MARK1: variants seen among roughly 807,000 people sequenced by gnomAD.
MARK1 encodes microtubule affinity regulating kinase 1.
In MARK1, 40 loss-of-function variants were observed where a neutral mutation model predicts 96.3. The observed-to-expected ratio is 0.42, with a 90% confidence interval of 0.32 to 0.54. MARK1 has a LOEUF of 0.54. Among genes scored for constraint, MARK1 ranks in the 20% least tolerant of loss-of-function variants. The pLI is 0.16. For synonymous variants in MARK1, 317 were observed against 341.2 expected (o/e 0.93, Z 0.78); for missense variants, 719 against 984.6 (o/e 0.73, Z 3.61).
chr1:220,620,362 G>A (rs2102976229), intron 9 of MARK1, among the ~76,000 whole-genome samples: 1 of 152,186 alleles, frequency 6.6e-6, no homozygotes, highest in South Asian at 2.1e-4. Context: ...TCTCATATCA[G>A]TTCTAAAATA....
At chr1:220,573,121 T>C (rs1195540313) in intron 1 of MARK1, among the ~76,000 whole-genome samples, 1 of 152,098 alleles carries the variant, frequency 6.6e-6, no homozygotes, top group African/African-American at 2.4e-5. Flanking sequence ...CTACACTGGG[T>C]TTTTTTATTT....
chr1:220,652,446 T>C (rs1319474069), intron 15 of MARK1, among the ~76,000 whole-genome samples: 1 of 152,226 alleles, frequency 6.6e-6, no homozygotes, highest in Non-Finnish European at 1.5e-5. Context: ...TTGATTTTTT[T>C]ATTATTTAAA....
At chr1:220,583,814 ATTTTTT>A (rs34848222) in intron 3 of MARK1, among the ~76,000 whole-genome samples, 151 of 105,218 alleles carry the variant, frequency 1.4e-3, no homozygotes, top group African/African-American at 4.7e-3. Context: ...TGCCTGGCTA[ATTTTTT>A]TTTTTTTTTT....
At chr1:220,612,888 A>G (rs1666530067) in intron 6 of MARK1, among the ~76,000 whole-genome samples, 1 of 152,172 alleles carries the variant, frequency 6.6e-6, no homozygotes, top group Admixed American at 6.5e-5. Context: ...TGCCCATACA[A>G]TGCTTTTACA....
intron 1 of MARK1, among the ~76,000 whole-genome samples, chr1:220,553,798 A>G (rs1249164231): frequency 6.6e-6 from 1 of 152,164 alleles, no homozygotes; most frequent in Non-Finnish European, 1.5e-5. Context: ...CTGAAGATCT[A>G]CACTGTGGTT....
Position 220,594,753 on chromosome 1 carries a change from A to G in MARK1, c.310-3578A>G, listed in dbSNP as rs1467747396. 4.6e-5 allele frequency among the ~76,000 whole-genome samples: 7 copies of G among 152,182 alleles called. No homozygotes were observed. The East Asian group carries it at 7.7e-4, about 17-fold the overall frequency. ...GGAGGAACCTTAAATGTGTATTACT[A>G]TGTAAAAGCCAATCTGAAAAGGCTA... is the stretch of plus-strand genomic sequence containing the variant. On this transcript the variant is annotated intron_variant, in intron 3 of 17. Transcript: ENST00000366917.
intron 1 of MARK1, among the ~76,000 whole-genome samples, chr1:220,578,249 G>A (rs1664003992): frequency 6.6e-6 from 1 of 152,214 alleles, no homozygotes; most frequent in Non-Finnish European, 1.5e-5. Flanking sequence ...CACAAAAACT[G>A]CTAGAAATTT....
chr1:220,604,009 A>G (rs1260332892), intron 5 of MARK1, 58 bp from the exon 6 acceptor site: 1 of 1,117,672 alleles, frequency 8.9e-7, no homozygotes, highest in Non-Finnish European at 1.3e-6. Context: ...GACATTGCAT[A>G]TATTGTTAAC....
chr1:220,529,138 T>C (rs1175565093), intron 1 of MARK1, among the ~76,000 whole-genome samples: 3 of 152,098 alleles, frequency 2.0e-5, no homozygotes, highest in Non-Finnish European at 4.4e-5. Context: ...GCGGATGGGG[T>C]GATGGAGGGC....
At chr1:220,565,935 A>G (rs1432998843) in intron 1 of MARK1, among the ~76,000 whole-genome samples, 3 of 152,056 alleles carry the variant, frequency 2.0e-5, no homozygotes, top group Non-Finnish European at 2.9e-5. Context: ...TAATGTTGGG[A>G]TAGGAGGAAG....
chr1:220,553,542 C>T (rs1478404563), intron 1 of MARK1, among the ~76,000 whole-genome samples: 1 of 152,176 alleles, frequency 6.6e-6, no homozygotes, highest in Admixed American at 6.5e-5. Flanking sequence ...TCCTTCAAGA[C>T]CTGCTCAAGC....
chr1:220,614,830 A>G (rs1190222290), intron 6 of MARK1, among the ~76,000 whole-genome samples: 1 of 152,136 alleles, frequency 6.6e-6, no homozygotes, highest in Admixed American at 6.5e-5. Context: ...CTCTGTCTTC[A>G]AACCATTTTA....
At chr1:220,542,403 G>A (rs1038114205) in intron 1 of MARK1, among the ~76,000 whole-genome samples, 7 of 152,260 alleles carry the variant, frequency 4.6e-5, no homozygotes, top group African/African-American at 1.7e-4. Context: ...GTATTTGATG[G>A]TGTCATTCAC....
intron 11 of MARK1, among the ~76,000 whole-genome samples, chr1:220,634,259 T>C (rs1255846020): frequency 6.6e-6 from 1 of 152,210 alleles, no homozygotes; most frequent in Non-Finnish European, 1.5e-5. Context: ...AGCACTAATT[T>C]TATAAGTATA....
chr1:220,650,771 G>A, intron 14 of MARK1, 51 bp downstream of exon 14: 1 of 1,363,700 alleles, frequency 7.3e-7, no homozygotes, highest in Non-Finnish European at 1.0e-6. Flanking sequence ...TTCTGTGTTA[G>A]TGCCCTTGCT....
intron 1 of MARK1, among the ~76,000 whole-genome samples, chr1:220,577,169 T>C (rs1421751914): frequency 2.0e-5 from 3 of 152,058 alleles, no homozygotes; most frequent in African/African-American, 7.2e-5. Flanking sequence ...TAGTCCCAGC[T>C]ACTCAAGAGG....
intron 1 of MARK1, among the ~76,000 whole-genome samples, chr1:220,572,403 G>A (rs1207021399): frequency 2.0e-5 from 3 of 152,032 alleles, no homozygotes; most frequent in East Asian, 1.9e-4. Context: ...CACCACACCT[G>A]GCTAATTTTT....
chr1:220,638,870 C>G (rs4338357), intron 13 of MARK1, among the ~76,000 whole-genome samples: 87,900 of 152,024 alleles, frequency 0.58, 26,924 homozygotes, highest in Non-Finnish European at 0.68. Flanking sequence ...CTTCCCTATC[C>G]ATTTCCTTTT....
chr1:220,566,305 A>G (rs893773983), intron 1 of MARK1, among the ~76,000 whole-genome samples: 2 of 152,186 alleles, frequency 1.3e-5, no homozygotes, highest in Non-Finnish European at 2.9e-5. Flanking sequence ...AAGTGACCAG[A>G]TGAAAGAACC....
Sources: gnomAD v4.1 joint callset for allele counts (sites outside exome capture counted in the v4.1 genomes callset) on GRCh38, gnomAD v4.1.1 for gene constraint, MANE v1.5 for transcripts, NCBI Gene and HGNC (gene_info 2026-07-23, HGNC 2026-07-21) for gene names.